Variants in OXR1 observed in about 807,000 individuals in gnomAD.
The protein encoded by OXR1 is oxidation resistance 1, also known as oxidation resistance protein 1.
Under a neutral mutation model 104.6 loss-of-function variants are expected in OXR1, and 41 were observed. That is an observed-to-expected ratio of 0.39 (90% CI 0.31 to 0.51). OXR1 has a LOEUF of 0.51. Ranked by LOEUF, OXR1 falls within the 20% of genes least tolerant of loss-of-function variation. OXR1 has a pLI of 0.77. For synonymous variants in OXR1, 348 were observed against 348.4 expected (o/e 1.00, Z 0.01); for missense variants, 955 against 1,031.9 (o/e 0.93, Z 1.02).
intron 1 of OXR1, among the ~76,000 whole-genome samples, chr8:106,298,752 A>AAAAC (rs1338106882): frequency 3.5e-5 from 5 of 142,712 alleles, no homozygotes; most frequent in African/African-American, 5.9e-5. Context: ...GAAAAAAAAC[A>AAAAC]AAACAAATAA....
chr8:106,345,725 T>C (rs1815450290), intron 1 of OXR1, among the ~76,000 whole-genome samples: 1 of 152,244 alleles, frequency 6.6e-6, no homozygotes, highest in African/African-American at 2.4e-5. Flanking sequence ...ATCATGCACA[T>C]GGCTCTCTCT....
In OXR1 at chr8:106,674,164, C is replaced by T. The variant is rs181708492; in HGVS notation, c.221-5046C>T. Among the ~76,000 whole-genome samples the T allele has an allele frequency of 4.0e-4, 61 of 152,262 alleles. No homozygotes were observed. In the South Asian group the frequency reaches 5.4e-3, roughly 13 times the overall value. ...GTTGTAGGCACTCAATGCCAGCTAG[C>T]GAAAGCAGCTGGGAGAGGGGCTGTA... On this transcript the variant is annotated intron_variant, in intron 3 of 16. Coordinates refer to ENST00000517566, the MANE Select transcript of OXR1 (RefSeq NM_001198533.2).
intron 2 of OXR1, among the ~76,000 whole-genome samples, chr8:106,488,648 C>G (rs1480748481): frequency 1.3e-5 from 2 of 148,626 alleles, no homozygotes; most frequent in African/African-American, 5.0e-5. Flanking sequence ...ATATGGCTAG[C>G]CAGTTTTCCC....
chr8:106,335,078 T>C (rs1814900749), intron 1 of OXR1, among the ~76,000 whole-genome samples: 1 of 151,928 alleles, frequency 6.6e-6, no homozygotes, highest in Non-Finnish European at 1.5e-5. Context: ...TTAACCATCC[T>C]TGTCCTAATC....
At chr8:106,668,048 C>A (rs1306614854) in intron 3 of OXR1, among the ~76,000 whole-genome samples, 2 of 151,478 alleles carry the variant, frequency 1.3e-5, no homozygotes, top group Non-Finnish European at 2.9e-5. Flanking sequence ...TTTAACCATG[C>A]TTTGGTATGA....
intron 4 of OXR1, among the ~76,000 whole-genome samples, chr8:106,681,840 A>G (rs1035516888): frequency 6.6e-6 from 1 of 152,118 alleles, no homozygotes; most frequent in Non-Finnish European, 1.5e-5. Context: ...ATGCCTCTTT[A>G]TCGTTTTTAG....
At chr8:106,664,242 C>G (rs1826054496) in intron 3 of OXR1, among the ~76,000 whole-genome samples, 2 of 152,154 alleles carry the variant, frequency 1.3e-5, no homozygotes, top group Non-Finnish European at 2.9e-5. Flanking sequence ...ACAAAACTGC[C>G]TCTAAAATAA....
intron 2 of OXR1, among the ~76,000 whole-genome samples, chr8:106,400,841 A>C (rs1817970293): frequency 6.6e-6 from 1 of 152,190 alleles, no homozygotes. Context: ...ATTATGACAG[A>C]TAGATACAAC....
chr8:106,348,100 G>A (rs147840115), intron 1 of OXR1, among the ~76,000 whole-genome samples: 2 of 152,274 alleles, frequency 1.3e-5, no homozygotes, highest in African/African-American at 4.8e-5. Flanking sequence ...CTTGAAATGG[G>A]AACATAATGA....
At chr8:106,663,856 T>C (rs1382440430) in intron 3 of OXR1, among the ~76,000 whole-genome samples, 1 of 152,202 alleles carries the variant, frequency 6.6e-6, no homozygotes, top group African/African-American at 2.4e-5. Context: ...TAGTCTTCCA[T>C]GAAGCCTGTC....
chr8:106,713,707 A>G (rs905307683), intron 10 of OXR1, 116 bp from the exon 11 acceptor site: 53 of 569,480 alleles, frequency 9.3e-5, no homozygotes, highest in African/African-American at 8.7e-4. Flanking sequence ...ATATAAAACA[A>G]TATATTTTGT....
intron 3 of OXR1, among the ~76,000 whole-genome samples, chr8:106,647,336 C>A (rs1458698064): frequency 6.6e-6 from 1 of 152,144 alleles, no homozygotes; most frequent in Non-Finnish European, 1.5e-5. Context: ...CGTATTAAAT[C>A]TCTATCATAT....
intron 1 of OXR1, among the ~76,000 whole-genome samples, chr8:106,344,328 G>T (rs1197075552): frequency 6.6e-6 from 1 of 151,538 alleles, no homozygotes; most frequent in Non-Finnish European, 1.5e-5. Flanking sequence ...TTTTGTTTTT[G>T]TTTTTGTTTT....
At chr8:106,520,879 G>A (rs1006553889) in intron 3 of OXR1, among the ~76,000 whole-genome samples, 2 of 152,166 alleles carry the variant, frequency 1.3e-5, no homozygotes, top group Non-Finnish European at 2.9e-5. Flanking sequence ...AAAAGGGAGA[G>A]ATACTGACCA....
chr8:106,658,252 T>C (rs1825354806), intron 3 of OXR1: 7 of 1,227,238 alleles, frequency 5.7e-6, no homozygotes, highest in African/African-American at 1.6e-5. Flanking sequence ...GAGGCGGCGG[T>C]CGTGGCGCCG....
At chr8:106,697,770 C>T in intron 7 of OXR1, 1 of 1,613,266 alleles carries the variant, frequency 6.2e-7, no homozygotes, top group Admixed American at 1.7e-5. Flanking sequence ...TGGTGGAGGC[C>T]TGGATCTTCT....
chr8:106,374,691 G>T (rs965849361), intron 2 of OXR1, among the ~76,000 whole-genome samples: 6 of 152,160 alleles, frequency 3.9e-5, no homozygotes, highest in African/African-American at 1.4e-4. Flanking sequence ...AGCAACTTCA[G>T]TGCTAAGTAA....
intron 3 of OXR1, among the ~76,000 whole-genome samples, chr8:106,595,440 C>T (rs1341510384): frequency 1.3e-5 from 2 of 151,584 alleles, no homozygotes; most frequent in Non-Finnish European, 2.9e-5. Flanking sequence ...ATCCCAGCTA[C>T]CCATGAGGCT....
At chr8:106,623,569 C>A (rs557870622) in intron 3 of OXR1, among the ~76,000 whole-genome samples, 28 of 152,172 alleles carry the variant, frequency 1.8e-4, no homozygotes, top group African/African-American at 6.3e-4. Flanking sequence ...AAACAGAAGT[C>A]TTGTGACAGC....
Sources: gnomAD v4.1 joint callset for allele counts (sites outside exome capture counted in the v4.1 genomes callset) on GRCh38, gnomAD v4.1.1 for gene constraint, MANE v1.5 for transcripts, NCBI Gene and HGNC (gene_info 2026-07-23, HGNC 2026-07-21) for gene names.